Variants in AGPAT3 observed in about 807,000 individuals in gnomAD.
AGPAT3 encodes 1-acyl-sn-glycerol-3-phosphate acyltransferase gamma.
In AGPAT3, 5 loss-of-function variants were observed where a neutral mutation model predicts 47.3. That is an observed-to-expected ratio of 0.11 (90% CI 0.06 to 0.22). The LOEUF is 0.22. Among genes scored for constraint, AGPAT3 ranks in the 10% least tolerant of loss-of-function variants. The pLI is 1.00. For missense variants in AGPAT3, 315 were observed against 493.0 expected, an observed-to-expected ratio of 0.64 and a Z score of 3.42; for synonymous variants, 212 against 208.3, an observed-to-expected ratio of 1.02 and a Z score of -0.15.
chr21:43,920,649 C>T lies in AGPAT3; in HGVS notation c.-49+16630C>T, dbSNP rs2086871440. On this transcript the variant is annotated intron_variant, in intron 2 of 9. Coordinates refer to ENST00000291572, the MANE Select transcript of AGPAT3 (RefSeq NM_020132.5). The surrounding 1 kb of genome is among the most constrained non-coding windows in gnomAD (Gnocchi z 6.1). ...TGGCCGGTGTTCTGCTCGATCGTGC[C>T]TGTGTAATGAAGCCTCCACAGACTC... 1.3e-5 allele frequency among the ~76,000 whole-genome samples: 2 copies of T among 152,090 alleles called. No homozygotes were observed. Among genetic ancestry groups the T allele is most frequent in the African/African-American group, 2.4e-5 (1 of 41,404 alleles).
intron 2 of AGPAT3, among the ~76,000 whole-genome samples, chr21:43,945,737 TC>T (rs1421076565): frequency 6.6e-6 from 1 of 152,232 alleles, no homozygotes; most frequent in East Asian, 1.9e-4. Context: ...TTTTTTCAAG[TC>T]CGTGCCTCAG....
chr21:43,973,421 C>T lies in AGPAT3; in HGVS notation c.767+1931C>T, dbSNP rs185094953. 2.7e-3 allele frequency among the ~76,000 whole-genome samples: 411 copies of T among 152,344 alleles called. 4 individuals are homozygous for T. Among genetic ancestry groups the T allele is most frequent in the African/African-American group, 9.6e-3 (398 of 41,590 alleles). On this transcript the variant is annotated intron_variant, in intron 7 of 9. Transcript: ENST00000291572. The stretch of plus-strand genomic sequence containing the variant: ...CTTCACGAGAGGAGCCCTTGAGGCA[C>T]GTCTTGCTCTCATCCTTGGGTGGTT...
chr21:43,977,310 T>C (rs1275604572), intron 7 of AGPAT3, among the ~76,000 whole-genome samples: 1 of 152,208 alleles, frequency 6.6e-6, no homozygotes, highest in African/African-American at 2.4e-5. Context: ...AAATAATCTT[T>C]GCCTAATGAA....
chr21:43,882,403 GAA>G (rs961093585), intron 1 of AGPAT3: 1 of 152,346 alleles, frequency 6.6e-6, no homozygotes, highest in Non-Finnish European at 1.5e-5. Flanking sequence ...ACTGGGAGAT[GAA>G]GTGGTCCCTG....
At chr21:43,917,993 TGTG>T (rs1370016773) in intron 2 of AGPAT3, among the ~76,000 whole-genome samples, 34 of 96,042 alleles carry the variant, frequency 3.5e-4, no homozygotes, top group Non-Finnish European at 5.3e-4. Flanking sequence ...TTATGGGTGT[TGTG>T]GGGGTTGTGG....
intron 8 of AGPAT3, among the ~76,000 whole-genome samples, chr21:43,980,230 C>G (rs2089790996): frequency 6.9e-6 from 1 of 144,688 alleles, no homozygotes; most frequent in Non-Finnish European, 1.5e-5. Context: ...GAGCCGAGAT[C>G]GTACCACTGC....
At chr21:43,894,233 T>A (rs2086165748) in intron 1 of AGPAT3, among the ~76,000 whole-genome samples, 2 of 151,150 alleles carry the variant, frequency 1.3e-5, no homozygotes, top group Non-Finnish European at 2.9e-5. Context: ...TTTTTTTTTT[T>A]AACTTCTCTA....
chr21:43,969,698 G>T (rs1030529106), intron 5 of AGPAT3, among the ~76,000 whole-genome samples: 8 of 151,476 alleles, frequency 5.3e-5, no homozygotes, highest in Admixed American at 1.3e-4. Flanking sequence ...GTGTGTTTTT[G>T]TGTGTGTGTG....
At chr21:43,911,895 C>T (rs2086639529) in intron 2 of AGPAT3, among the ~76,000 whole-genome samples, 1 of 152,234 alleles carries the variant, frequency 6.6e-6, no homozygotes. Context: ...TGTCTTCTCT[C>T]AGACACTGCC....
chr21:43,971,850 C>G (rs1482636979), intron 7 of AGPAT3, among the ~76,000 whole-genome samples: 7 of 152,266 alleles, frequency 4.6e-5, no homozygotes, highest in Non-Finnish European at 1.5e-5. Context: ...GTAGTTCCCT[C>G]TGTAAGATGC....
chr21:43,921,067 C>T (rs944429446), intron 2 of AGPAT3, among the ~76,000 whole-genome samples: 17 of 152,130 alleles, frequency 1.1e-4, no homozygotes, highest in Non-Finnish European at 1.9e-4. Flanking sequence ...GAGCCGAGAT[C>T]GGGCCACTGC....
intron 2 of AGPAT3, among the ~76,000 whole-genome samples, chr21:43,958,451 CA>C (rs2088598687): frequency 6.7e-6 from 1 of 149,618 alleles, no homozygotes; most frequent in African/African-American, 2.5e-5. Flanking sequence ...GTTTGTGCTA[CA>C]GTGTGTGTGG....
intron 1 of AGPAT3, among the ~76,000 whole-genome samples, chr21:43,896,354 G>A (rs1361977635): frequency 1.3e-5 from 2 of 152,198 alleles, no homozygotes; most frequent in Non-Finnish European, 2.9e-5. Context: ...TTGCCTTATG[G>A]CCCAGCACAC....
At chr21:43,884,930 C>A (rs1260777640) in intron 1 of AGPAT3, among the ~76,000 whole-genome samples, 3 of 152,256 alleles carry the variant, frequency 2.0e-5, no homozygotes, top group Non-Finnish European at 4.4e-5. Flanking sequence ...CTTCTCCCAC[C>A]TCACATGGGA....
chr21:43,969,696 T>TTG (rs143153215), intron 5 of AGPAT3, among the ~76,000 whole-genome samples: 3,167 of 151,648 alleles, frequency 0.021, 108 homozygotes, highest in African/African-American at 0.071. Flanking sequence ...GTGTGTGTTT[T>TTG]TGTGTGTGTG....
In AGPAT3 at chr21:43,982,540, G is replaced by A. The variant is rs2089890615; in HGVS notation, c.*148G>A. ...TAACAAAACTTGAGCCAAGAGTAAAGAATTCAGAAGGCCTGTCAGGTGAAG... is the reference window on the plus strand; with the variant it reads ...TAACAAAACTTGAGCCAAGAGTAAAAAATTCAGAAGGCCTGTCAGGTGAAG... On this transcript the variant is annotated 3_prime_UTR_variant, in exon 10 of 10. Transcript: ENST00000291572. This position sits in a 1 kb window ranked among gnomAD's most constrained non-coding sequence, Gnocchi z 6.2. 1.7e-6 allele frequency: 1 copy of A among 579,082 alleles called. No homozygotes were observed. The highest frequency in any genetic ancestry group is 3.0e-6 in the Non-Finnish European group (1 of 334,192). 35.9% of individuals were successfully genotyped at this position (579,082 alleles called of 1,614,324 possible).
At chr21:43,892,667 A>G (rs1255240004) in intron 1 of AGPAT3, among the ~76,000 whole-genome samples, 1 of 152,260 alleles carries the variant, frequency 6.6e-6, no homozygotes. Flanking sequence ...TAAAGTCACC[A>G]GCTGCATTAG....
Position 43,878,111 on chromosome 21 carries a change from C to T in AGPAT3, c.-112+12766C>T, listed in dbSNP as rs79444107. Among the ~76,000 whole-genome samples, 4 of 152,246 alleles carry T rather than the reference C, an allele frequency of 2.6e-5. No homozygotes were observed. In the East Asian group the frequency reaches 7.7e-4, roughly 29 times the overall value. ...TTTCCCCGCCACTGCTTGCTCAGCCCCCACCCGTGATGACGCCTGCTGATG... is the reference window on the plus strand; with the variant it reads ...TTTCCCCGCCACTGCTTGCTCAGCCTCCACCCGTGATGACGCCTGCTGATG... On this transcript the variant is annotated intron_variant, in intron 1 of 9. Coordinates refer to ENST00000291572, the MANE Select transcript of AGPAT3 (RefSeq NM_020132.5).
chr21:43,936,813 C>G (rs989151607), intron 2 of AGPAT3, among the ~76,000 whole-genome samples: 4 of 152,236 alleles, frequency 2.6e-5, no homozygotes, highest in African/African-American at 7.2e-5. Context: ...AAAGCGGCTC[C>G]CAGGCCTCTG....
Sources: allele counts gnomAD v4.1 joint callset (sites outside exome capture counted in the v4.1 genomes callset), GRCh38; gene constraint gnomAD v4.1.1; non-coding constraint Gnocchi (gnomAD v3.1); transcripts MANE v1.5; gene names NCBI Gene and HGNC (gene_info 2026-07-23, HGNC 2026-07-21).